Variants in MRPL12 observed in about 807,000 individuals in gnomAD.
The protein encoded by MRPL12 is mitochondrial ribosomal protein L12.
In MRPL12, 13 loss-of-function variants were observed where a neutral mutation model predicts 21.1. The observed-to-expected ratio is 0.62, with a 90% CI of 0.40 to 0.98. The LOEUF is 0.98. Among genes scored for constraint, MRPL12 ranks in the 50% least tolerant of loss-of-function variants. MRPL12 has a pLI of 0.00. For synonymous variants in MRPL12, 126 were observed against 115.3 expected (o/e 1.09, Z -0.60); for missense variants, 251 against 268.6 (o/e 0.93, Z 0.46).
rs968458415 is a variant in MRPL12 at position 81,707,138 on chromosome 17, G to T, written c.495G>T (p.Val165=). The change falls in exon 5 of 5, where the codon GTG becomes GTT. Residue 165 remains valine (V), a synonymous_variant. Coordinates refer to ENST00000333676, the MANE Select transcript of MRPL12 (RefSeq NM_002949.4). ...GINLVQAKKL[V]ESLPQEIKAN... ...CTCTCTGGCAGGCAAAGAAGCTGGTGGAGTCCCTGCCCCAGGAAATCAAAG... is the reference window on the plus strand; with the variant it reads ...CTCTCTGGCAGGCAAAGAAGCTGGTTGAGTCCCTGCCCCAGGAAATCAAAG... The T allele has an allele frequency of 1.2e-6, 2 of 1,613,894 alleles. No individual in the cohort carries two copies. Among genetic ancestry groups the T allele is most frequent in the South Asian group, 2.2e-5 (2 of 91,090 alleles).
rs2037275577 is a variant in MRPL12 at position 81,703,421 on chromosome 17, G to A, written c.-81G>A. The A allele has an allele frequency of 1.6e-6, 2 of 1,266,938 alleles. No homozygotes were observed. Among genetic ancestry groups the A allele is most frequent in the East Asian group, 6.2e-5 (2 of 32,394 alleles). The allele number at this position is 1,266,938 out of a possible 1,614,324, so 78.5% of individuals were successfully genotyped here. A position where few individuals can be genotyped will look rare whatever the true frequency, so the allele number is the denominator to read the frequency against. On this transcript the variant is annotated 5_prime_UTR_variant, in exon 1 of 5. Transcript: ENST00000333676. ...GTGGCGGCTAGAGCGTTCCTCCCCAGCTCGAATGCCCGGCGGCCGAGGCGG... is the reference window on the plus strand; with the variant it reads ...GTGGCGGCTAGAGCGTTCCTCCCCAACTCGAATGCCCGGCGGCCGAGGCGG...
intron 3 of MRPL12, among the ~76,000 whole-genome samples, chr17:81,706,292 T>C (rs2037313838): frequency 6.6e-6 from 1 of 152,182 alleles, no homozygotes. Context: ...AGTCTCACTC[T>C]GTCACCCAGG....
intron 3 of MRPL12, among the ~76,000 whole-genome samples, 199 bp from the exon 4 acceptor site, chr17:81,706,707 A>G (rs947095440): frequency 2.0e-5 from 3 of 152,100 alleles, no homozygotes; most frequent in Non-Finnish European, 4.4e-5. Context: ...CTCCGTCTCA[A>G]AAAAAAGAGA....
At position 81,707,405 on chromosome 17, in the gene MRPL12, G is replaced by C; in HGVS notation, c.*165G>C. 1.5e-6 allele frequency: 1 copy of C among 685,368 alleles called. No homozygotes were observed. The highest frequency in any genetic ancestry group is 2.0e-5 in the South Asian group (1 of 49,508). 42.5% of individuals were successfully genotyped at this position (685,368 alleles called of 1,614,324 possible). A position where few individuals can be genotyped will look rare whatever the true frequency, so the allele number is the denominator to read the frequency against. ...CGGACAGGCCGCACAGACCTACTGT[G>C]GCGGGAGGGAGGGGCGGCTGCTGCC... On this transcript the variant is annotated 3_prime_UTR_variant, in exon 5 of 5. Transcript: ENST00000333676.
chr17:81,704,232 G>T lies in MRPL12; in HGVS notation c.75-12G>T. 1.3e-6 allele frequency: 2 copies of T among 1,593,458 alleles called. No individual in the cohort carries two copies. Among genetic ancestry groups the T allele is most frequent in the African/African-American group, 2.9e-5 (2 of 69,478 alleles). Reference sequence around the variant, plus strand: ...GACTGACAAGTCTGTTTTAATTGGGGGTGGGGGCTAGGCGACAGGTGCCAT... The same window carrying T: ...GACTGACAAGTCTGTTTTAATTGGGTGTGGGGGCTAGGCGACAGGTGCCAT... On this transcript the variant is annotated splice_polypyrimidine_tract_variant and intron_variant, in intron 1 of 4. Coordinates refer to ENST00000333676, the MANE Select transcript of MRPL12 (RefSeq NM_002949.4).
chr17:81,706,929 A>T lies in MRPL12; in HGVS notation c.369A>T (p.Ile123=). 1 of 1,613,978 alleles carries T rather than the reference A, an allele frequency of 6.2e-7. No individual in the cohort carries two copies. The highest frequency in any genetic ancestry group is 2.2e-5 in the East Asian group (1 of 44,872). Residue 123 remains isoleucine (I), a synonymous_variant, in exon 4 of 5, where the codon ATA becomes ATT. Coordinates refer to ENST00000333676, the MANE Select transcript of MRPL12 (RefSeq NM_002949.4). ...AGGCGGTGGAAGAAGATATCCCCAT[A>T]GCGAAAGAACGGACACATTTCACCG... ...AQEAVEEDIP[I]AKERTHFTVR...
Position 81,706,826 on chromosome 17 carries a change from A to G in MRPL12, c.346-80A>G, listed in dbSNP as rs111292361. 405 of 1,543,434 alleles carry G rather than the reference A, an allele frequency of 2.6e-4. 1 individual carries two copies. In the African/African-American group the frequency reaches 4.8e-3, roughly 18 times the overall value. On this transcript the variant is annotated intron_variant, in intron 3 of 4. Coordinates refer to ENST00000333676, the MANE Select transcript of MRPL12 (RefSeq NM_002949.4). ...GCTGCACCTCCCTTTGGGGCTTTAG[A>G]CTGGGGTGGCCCAGCAGTGGAGGCG...
At position 81,707,169 on chromosome 17, in the gene MRPL12, G is replaced by A; in HGVS notation, c.526G>A (p.Val176Ile). 1 of 1,614,066 alleles carries A rather than the reference G, an allele frequency of 6.2e-7. No homozygotes were observed. The highest frequency in any genetic ancestry group is 8.5e-7 in the Non-Finnish European group (1 of 1,179,968). Residue 176 changes from valine to isoleucine, a missense_variant, in exon 5 of 5, where the codon GTC becomes ATC. Coordinates refer to ENST00000333676, the MANE Select transcript of MRPL12 (RefSeq NM_002949.4). ...ESLPQEIKAN[V>I]AKAEAEKIKA... ...CCTGCCCCAGGAAATCAAAGCCAAT[G>A]TCGCCAAAGCTGAGGCGGAGAAGAT...
At position 81,704,060 on chromosome 17, in the gene MRPL12, AC is replaced by A. The variant is rs2037286078; in HGVS notation, c.75-183del. Among the ~76,000 whole-genome samples, 4 of 152,302 alleles carry A rather than the reference AC, an allele frequency of 2.6e-5. No homozygotes were observed. In the South Asian group the frequency reaches 8.3e-4, roughly 32 times the overall value. On this transcript the variant is annotated intron_variant, in intron 1 of 4. Coordinates refer to ENST00000333676, the MANE Select transcript of MRPL12 (RefSeq NM_002949.4). ...AAAGTAACTTGCAAATCTTATCAAT[AC>A]GGACCCCTTGAGGTCTGAGAACCCT...
At position 81,707,467 on chromosome 17, in the gene MRPL12, C is replaced by T; in HGVS notation, c.*227C>T. The T allele has an allele frequency of 1.9e-6, 1 of 535,774 alleles. No individual in the cohort carries two copies. The highest frequency in any genetic ancestry group is 3.3e-5 in the East Asian group (1 of 30,490). 33.2% of individuals were successfully genotyped at this position (535,774 alleles called of 1,614,324 possible). On this transcript the variant is annotated 3_prime_UTR_variant, in exon 5 of 5. Transcript: ENST00000333676. ...CCCGGAGGCCCACCAGGACGCGCCACCGGTGAATGTGCCTCTGGTGGCTGC... is the reference window on the plus strand; with the variant it reads ...CCCGGAGGCCCACCAGGACGCGCCATCGGTGAATGTGCCTCTGGTGGCTGC...
At chr17:81,704,197 T>G (rs1410650837) in intron 1 of MRPL12, 47 bp from the exon 2 acceptor site, 1 of 1,554,830 alleles carries the variant, frequency 6.4e-7, no homozygotes, top group East Asian at 2.3e-5. Flanking sequence ...TGCAGCCCCT[T>G]CCATTCCAGG....
Position 81,703,418 on chromosome 17 carries a change from C to A in MRPL12, c.-84C>A. The A allele has an allele frequency of 1.6e-6, 2 of 1,227,844 alleles. No individual in the cohort carries two copies. The highest frequency in any genetic ancestry group is 3.0e-5 in the South Asian group (2 of 66,964). The allele number at this position is 1,227,844 out of a possible 1,614,324, so 76.1% of individuals were successfully genotyped here. ...GCCGTGGCGGCTAGAGCGTTCCTCCCCAGCTCGAATGCCCGGCGGCCGAGG... is the reference window on the plus strand; with the variant it reads ...GCCGTGGCGGCTAGAGCGTTCCTCCACAGCTCGAATGCCCGGCGGCCGAGG... On this transcript the variant is annotated 5_prime_UTR_variant, in exon 1 of 5. Transcript: ENST00000333676.
In MRPL12 at chr17:81,706,946, A is replaced by G. The variant is rs770001602; in HGVS notation, c.386A>G (p.His129Arg). Residue 129 changes from histidine to arginine, a missense_variant, in exon 4 of 5, where the codon CAT (histidine) becomes CGT (arginine). Transcript: ENST00000333676. ...EDIPIAKERT[H>R]FTVRLTEAKP... ...ATCCCCATAGCGAAAGAACGGACAC[A>G]TTTCACCGTCCGCCTGACCGAGGCG... The G allele has an allele frequency of 1.2e-6, 2 of 1,613,998 alleles. No homozygotes were observed. Among genetic ancestry groups the G allele is most frequent in the South Asian group, 1.1e-5 (1 of 91,082 alleles).
chr17:81,704,886 G>C (rs1252673148), intron 3 of MRPL12, among the ~76,000 whole-genome samples, 170 bp downstream of exon 3: 1 of 152,358 alleles, frequency 6.6e-6, no homozygotes, highest in African/African-American at 2.4e-5. Context: ...GGATGTGCAC[G>C]ACTTTGCATG....
chr17:81,704,477 C>T, intron 2 of MRPL12, 47 bp downstream of exon 2: 1 of 1,590,086 alleles, frequency 6.3e-7, no homozygotes, highest in Non-Finnish European at 8.6e-7. Context: ...AGTTTCAGGG[C>T]CCCTGTGTTT....
intron 1 of MRPL12, 26 bp downstream of exon 1, chr17:81,703,601 G>A: frequency 7.3e-7 from 1 of 1,370,404 alleles, no homozygotes; most frequent in South Asian, 1.6e-5. Context: ...GGGCGGTCCG[G>A]GCCGGCAGGC....
intron 3 of MRPL12, among the ~76,000 whole-genome samples, chr17:81,705,496 G>A (rs1362166052): frequency 6.6e-6 from 1 of 152,088 alleles, no homozygotes; most frequent in Non-Finnish European, 1.5e-5. Flanking sequence ...AAGGTGGGAG[G>A]GAGAGTTCCA....
chr17:81,703,812 C>G (rs968004023), intron 1 of MRPL12, among the ~76,000 whole-genome samples: 2 of 152,224 alleles, frequency 1.3e-5, no homozygotes, highest in Admixed American at 1.3e-4. Context: ...ATTCCCTGCT[C>G]CTCCCTTGGC....
In MRPL12 at chr17:81,703,511, G is replaced by A; in HGVS notation, c.10G>A (p.Ala4Thr). The A allele has an allele frequency of 2.0e-6, 3 of 1,484,448 alleles. No individual in the cohort carries two copies. Among genetic ancestry groups the A allele is most frequent in the Admixed American group, 2.3e-5 (1 of 44,386 alleles). The allele number at this position is 1,484,448 out of a possible 1,614,324, so 92.0% of individuals were successfully genotyped here. MLP[A>T]AARPLWGPCL... ...TCCAGCCCGCGGACCGATGCTGCCGGCGGCCGCTCGCCCCCTGTGGGGGCC... is the reference window on the plus strand; with the variant it reads ...TCCAGCCCGCGGACCGATGCTGCCGACGGCCGCTCGCCCCCTGTGGGGGCC... The change falls in exon 1 of 5, where the codon GCG becomes ACG. Residue 4 changes from alanine (A) to threonine (T), a missense_variant. Coordinates refer to ENST00000333676, the MANE Select transcript of MRPL12 (RefSeq NM_002949.4).
Sources: allele counts gnomAD v4.1 joint callset (sites outside exome capture counted in the v4.1 genomes callset), GRCh38; gene constraint gnomAD v4.1.1; transcripts MANE v1.5; gene names NCBI Gene and HGNC (gene_info 2026-07-23, HGNC 2026-07-21).